The following GRM1 variants were observed in gnomAD, a reference collection of about 807,000 sequenced individuals.
GRM1 encodes the protein glutamate metabotropic receptor 1.
GRM1 carries 33 observed loss-of-function variants against 90.9 expected under a neutral mutation model. That is an observed-to-expected ratio of 0.36 (90% CI 0.28 to 0.49). GRM1 has a LOEUF of 0.49. Ranked by LOEUF, GRM1 falls within the 20% of genes least tolerant of loss-of-function variation. GRM1 has a pLI of 0.99. For synonymous variants in GRM1, 700 were observed against 613.2 expected, an observed-to-expected ratio of 1.14 and a Z score of -2.09; for missense variants, 1,190 against 1,534.3, an observed-to-expected ratio of 0.78 and a Z score of 3.75.
chr6:146,316,126 C>G (rs973399735), intron 3 of GRM1, among the ~76,000 whole-genome samples: 6 of 152,262 alleles, frequency 3.9e-5, no homozygotes, highest in South Asian at 2.1e-4. Context: ...GGTCAGCAGG[C>G]CTGCATTCCT....
intron 3 of GRM1, among the ~76,000 whole-genome samples, chr6:146,326,371 T>C (rs1476396340): frequency 6.6e-6 from 1 of 152,068 alleles, no homozygotes; most frequent in East Asian, 1.9e-4. Context: ...TTCTCACTCA[T>C]AAGTGGGAGC....
chr6:146,173,290 T>C (rs1228844885), intron 2 of GRM1, among the ~76,000 whole-genome samples: 1 of 150,734 alleles, frequency 6.6e-6, no homozygotes, highest in African/African-American at 2.4e-5. Context: ...CTCAGGAGGC[T>C]GAGGCAGGAG....
At chr6:146,395,703 T>C (rs1382703224) in intron 6 of GRM1, among the ~76,000 whole-genome samples, 1 of 152,172 alleles carries the variant, frequency 6.6e-6, no homozygotes, top group Non-Finnish European at 1.5e-5. Context: ...TTTATACCAG[T>C]TTCTTTAATT....
At chr6:146,417,795 G>A (rs549312628) in intron 7 of GRM1, among the ~76,000 whole-genome samples, 1 of 152,182 alleles carries the variant, frequency 6.6e-6, no homozygotes, top group East Asian at 1.9e-4. Flanking sequence ...ATCCTGAGGT[G>A]AAAATTTTAA....
intron 1 of GRM1, among the ~76,000 whole-genome samples, chr6:146,156,848 A>G (rs1318169276): frequency 6.6e-6 from 1 of 152,234 alleles, no homozygotes; most frequent in Non-Finnish European, 1.5e-5. Context: ...AAATAAAAGT[A>G]GTTCTCAAAT....
chr6:146,208,740 G>T (rs1375687701), intron 2 of GRM1, among the ~76,000 whole-genome samples: 1 of 152,026 alleles, frequency 6.6e-6, no homozygotes, highest in Non-Finnish European at 1.5e-5. Flanking sequence ...CTAGAAGAAA[G>T]ATAAATTACT....
intron 1 of GRM1, among the ~76,000 whole-genome samples, chr6:146,058,484 C>T (rs1280556527): frequency 6.6e-6 from 1 of 152,124 alleles, no homozygotes; most frequent in East Asian, 1.9e-4. Context: ...TCTGAGCTTT[C>T]AGCAAATTTT....
intron 2 of GRM1, among the ~76,000 whole-genome samples, chr6:146,201,283 G>T (rs545627806): frequency 9.9e-5 from 15 of 152,102 alleles, no homozygotes; most frequent in Non-Finnish European, 4.4e-5. Context: ...TATTTTTACC[G>T]TATTTTAAAA....
At chr6:146,338,213 A>G (rs1784844592) in intron 3 of GRM1, among the ~76,000 whole-genome samples, 1 of 152,258 alleles carries the variant, frequency 6.6e-6, no homozygotes, top group Admixed American at 6.5e-5. Context: ...ACGAATTATA[A>G]TGGCTCCATT....
intron 2 of GRM1, among the ~76,000 whole-genome samples, chr6:146,165,038 C>T (rs1352371550): frequency 1.3e-5 from 2 of 151,900 alleles, no homozygotes; most frequent in African/African-American, 4.8e-5. Context: ...ATTAGGCCAA[C>T]TTTCTATCAC....
chr6:146,118,400 A>C (rs779793420), intron 1 of GRM1, among the ~76,000 whole-genome samples: 5 of 151,998 alleles, frequency 3.3e-5, no homozygotes, highest in Admixed American at 6.5e-5. Flanking sequence ...CGGCCTCCCA[A>C]AGTACTGGGA....
chr6:146,370,535 T>G (rs1775858675), intron 5 of GRM1, among the ~76,000 whole-genome samples: 1 of 152,122 alleles, frequency 6.6e-6, no homozygotes, highest in Non-Finnish European at 1.5e-5. Flanking sequence ...ATCCATTGTA[T>G]AAGATTTTTG....
chr6:146,139,342 G>A (rs186184486), intron 1 of GRM1, among the ~76,000 whole-genome samples: 81 of 152,228 alleles, frequency 5.3e-4, no homozygotes, highest in Non-Finnish European at 7.8e-4. Flanking sequence ...GATCTATAGT[G>A]CAGATTAAGT....
intron 2 of GRM1, among the ~76,000 whole-genome samples, chr6:146,191,028 A>C (rs1302717110): frequency 1.3e-5 from 2 of 152,080 alleles, no homozygotes; most frequent in African/African-American, 4.8e-5. Context: ...TCCTCCATGC[A>C]CTTGCCATTC....
intron 2 of GRM1, among the ~76,000 whole-genome samples, chr6:146,286,905 G>A (rs1782786945): frequency 6.6e-6 from 1 of 152,162 alleles, no homozygotes; most frequent in South Asian, 2.1e-4. Flanking sequence ...TTAAATGGCA[G>A]GCATATTATC....
At chr6:146,150,933 T>TGCGC (rs1162604541) in intron 1 of GRM1, among the ~76,000 whole-genome samples, 7 of 127,090 alleles carry the variant, frequency 5.5e-5, no homozygotes, top group East Asian at 4.2e-4. Flanking sequence ...CACACGCGTG[T>TGCGC]GCGCGCACAC....
chr6:146,315,428 C>A (rs1401514358), intron 3 of GRM1, among the ~76,000 whole-genome samples: 1 of 152,030 alleles, frequency 6.6e-6, no homozygotes, highest in Non-Finnish European at 1.5e-5. Flanking sequence ...GAATTGAATC[C>A]TTAGAGATGT....
rs565809639 is a variant in GRM1 at position 146,254,400 on chromosome 6, A to G, written c.951-50211A>G. Among the ~76,000 whole-genome samples, 3 of 152,326 alleles carry G rather than the reference A, an allele frequency of 2.0e-5. No homozygotes were observed. The South Asian group carries it at 6.2e-4, about 32-fold the overall frequency. ...GACGTTCAGACAGAAATAATTCTGC[A>G]AAAGGAAATTGGGATGCTGAGAAGG... On this transcript the variant is annotated intron_variant, in intron 2 of 7. Coordinates refer to ENST00000282753, the MANE Select transcript of GRM1 (RefSeq NM_001278064.2).
At chr6:146,346,023 T>C (rs1327033031) in intron 3 of GRM1, among the ~76,000 whole-genome samples, 1 of 152,228 alleles carries the variant, frequency 6.6e-6, no homozygotes, top group Non-Finnish European at 1.5e-5. Context: ...TTTCCTCTCT[T>C]ATAGAAACAA....
Sources: gnomAD v4.1 joint callset for allele counts (sites outside exome capture counted in the v4.1 genomes callset) on GRCh38, gnomAD v4.1.1 for gene constraint, MANE v1.5 for transcripts, NCBI Gene and HGNC (gene_info 2026-07-23, HGNC 2026-07-21) for gene names.